The following ZNF254 variants were observed in gnomAD, a reference collection of about 807,000 sequenced individuals.
The protein encoded by ZNF254 is zinc finger protein 254.
In ZNF254, 10 loss-of-function variants were observed where a neutral mutation model predicts 12.4. That is an observed-to-expected ratio of 0.80 (90% CI 0.50 to 1.36). The LOEUF (loss-of-function observed/expected upper bound fraction) is 1.36. Ranked by LOEUF, ZNF254 falls within the 40% of genes most tolerant of loss-of-function variation. The pLI is 0.00. For missense variants in ZNF254, 996 were observed against 763.9 expected (o/e 1.30, Z -3.58); for synonymous variants, 305 against 253.4 (o/e 1.20, Z -1.93).
intron 2 of ZNF254, among the ~76,000 whole-genome samples, chr19:24,074,368 G>A (rs550580978): frequency 6.6e-6 from 1 of 152,218 alleles, no homozygotes; most frequent in African/African-American, 2.4e-5. Flanking sequence ...ACAAGGTGAT[G>A]TGAGCCTTCT....
chr19:24,050,373 C>T (rs941657357), intron 2 of ZNF254, among the ~76,000 whole-genome samples: 1 of 151,976 alleles, frequency 6.6e-6, no homozygotes, highest in African/African-American at 2.4e-5. Context: ...TTGGCCAGGC[C>T]GATATCAAAC....
intron 1 of ZNF254, among the ~76,000 whole-genome samples, chr19:24,036,334 A>G (rs914066954): frequency 6.6e-6 from 1 of 152,002 alleles, no homozygotes; most frequent in Non-Finnish European, 1.5e-5. Context: ...TGGGATTACA[A>G]GTGTGAGCCA....
intron 1 of ZNF254, among the ~76,000 whole-genome samples, chr19:24,041,528 G>A (rs1429835987): frequency 2.6e-5 from 4 of 152,232 alleles, no homozygotes; most frequent in Non-Finnish European, 5.9e-5. Flanking sequence ...TCGATTTCTC[G>A]CCGGGCCTTA....
At position 24,087,232 on chromosome 19, in the gene ZNF254, G is replaced by C. The variant is rs1240728457; in HGVS notation, c.-76G>C. The C allele has an allele frequency of 8.1e-6, 13 of 1,600,878 alleles. No individual in the cohort carries two copies. The South Asian group carries it at 1.4e-4, about 18-fold the overall frequency. On this transcript the variant is annotated 5_prime_UTR_variant, in exon 1 of 4. Transcript: ENST00000357002. ...CCGGAGTCCCAGGTCTGTCTTCACT[G>C]CTCTGTGTCCTCTGCTCCTAGAGGC...
At chr19:24,061,220 A>G (rs1052430149) in intron 2 of ZNF254, among the ~76,000 whole-genome samples, 2 of 151,988 alleles carry the variant, frequency 1.3e-5, no homozygotes, top group Non-Finnish European at 2.9e-5. Flanking sequence ...TGAGACATTT[A>G]TTTTTGTTCA....
At chr19:24,115,002 A>G (rs1470576618) in intron 3 of ZNF254, among the ~76,000 whole-genome samples, 134 of 152,382 alleles carry the variant, frequency 8.8e-4, no homozygotes, top group Non-Finnish European at 1.4e-3. Flanking sequence ...TTAGAATGGC[A>G]ATCATTAAAA....
intron 3 of ZNF254, among the ~76,000 whole-genome samples, chr19:24,113,001 G>C (rs1404916148): frequency 6.6e-6 from 1 of 152,080 alleles, no homozygotes; most frequent in Non-Finnish European, 1.5e-5. Context: ...AATCTCTGAA[G>C]AGACCAATAA....
At chr19:24,121,635 G>A (rs969950664) in intron 3 of ZNF254, among the ~76,000 whole-genome samples, 13 of 152,036 alleles carry the variant, frequency 8.6e-5, no homozygotes, top group Admixed American at 6.6e-4. Flanking sequence ...TTGGCTCACT[G>A]CAACCTCCGC....
chr19:24,081,467 G>A (rs1971842682), intron 2 of ZNF254, among the ~76,000 whole-genome samples: 1 of 152,070 alleles, frequency 6.6e-6, no homozygotes, highest in African/African-American at 2.4e-5. Context: ...CCTGATATGA[G>A]GTGCTAATCA....
intron 3 of ZNF254, among the ~76,000 whole-genome samples, chr19:24,115,565 C>G (rs557834881): frequency 1.2e-3 from 175 of 151,818 alleles, no homozygotes; most frequent in Non-Finnish European, 1.9e-3. Context: ...GGGAGATATA[C>G]CTAGTGCTAG....
chr19:24,063,831 G>A (rs1298821817), intron 2 of ZNF254: 2 of 148,544 alleles, frequency 1.3e-5, no homozygotes, highest in Non-Finnish European at 3.0e-5. Context: ...ATTGAGACAT[G>A]GCTGGGCTCA....
At chr19:24,106,215 T>A (rs77922372) in intron 2 of ZNF254, 149 bp downstream of exon 2, 62,530 of 1,093,708 alleles carry the variant, frequency 0.057, 2,030 homozygotes, top group Middle Eastern at 0.15. Context: ...CTTCAAGATG[T>A]TTCATCTTGA....
intron 3 of ZNF254, chr19:24,107,460 T>G (rs375686183): frequency 2.8e-6 from 1 of 355,794 alleles, no homozygotes; most frequent in Middle Eastern, 7.7e-4. Flanking sequence ...ATATTGTACA[T>G]AAGTTTTTTT....
chr19:24,123,908 C>T (rs1309319651), intron 3 of ZNF254, among the ~76,000 whole-genome samples: 2 of 151,884 alleles, frequency 1.3e-5, no homozygotes, highest in African/African-American at 4.8e-5. Context: ...AGATGAATCT[C>T]AGTTTTTAAA....
At chr19:24,110,255 C>A (rs1973586386) in intron 3 of ZNF254, among the ~76,000 whole-genome samples, 1 of 152,030 alleles carries the variant, frequency 6.6e-6, no homozygotes, top group African/African-American at 2.4e-5. Flanking sequence ...CTTCTTAAAT[C>A]TATTTAAATG....
chr19:24,115,662 C>T (rs1974006181), intron 3 of ZNF254, among the ~76,000 whole-genome samples: 1 of 152,008 alleles, frequency 6.6e-6, no homozygotes, highest in South Asian at 2.1e-4. Context: ...TACCGTAAAA[C>T]TTAAAGTATA....
At chr19:24,073,836 T>C (rs1035986925) in intron 2 of ZNF254, among the ~76,000 whole-genome samples, 11 of 152,240 alleles carry the variant, frequency 7.2e-5, no homozygotes, top group Non-Finnish European at 1.6e-4. Context: ...TTGACTCTAA[T>C]ACCTAGAAAT....
At chr19:24,104,774 G>A (rs1599718412) in intron 1 of ZNF254, 2 of 152,076 alleles carry the variant, frequency 1.3e-5, no homozygotes, top group East Asian at 3.8e-4. Flanking sequence ...AAAACCTGGG[G>A]TTCTTAGTAA....
chr19:24,079,522 G>A (rs1971776192), intron 2 of ZNF254: 1 of 152,190 alleles, frequency 6.6e-6, no homozygotes, highest in Non-Finnish European at 1.5e-5. Flanking sequence ...GAGAGGAGGT[G>A]TCCCCTTTTC....
Sources: gnomAD v4.1 joint callset for allele counts (sites outside exome capture counted in the v4.1 genomes callset) on GRCh38, gnomAD v4.1.1 for gene constraint, MANE v1.5 for transcripts, NCBI Gene and HGNC (gene_info 2026-07-23, HGNC 2026-07-21) for gene names.